The following NPHP4 variants were observed in gnomAD, a reference collection of about 807,000 sequenced individuals.
NPHP4 encodes the protein nephrocystin 4, also known as nephrocystin-4.
In NPHP4, 151 loss-of-function variants were observed where a neutral mutation model predicts 155.8. That is an observed-to-expected ratio of 0.97 (90% CI 0.85 to 1.11). The LOEUF is 1.11. Among genes scored for constraint, NPHP4 ranks in the 50% least tolerant of loss-of-function variants. The pLI is 0.00. For synonymous variants in NPHP4, 845 were observed against 816.8 expected, an observed-to-expected ratio of 1.03 and a Z score of -0.59; for missense variants, 1,956 against 1,925.7, an observed-to-expected ratio of 1.02 and a Z score of -0.29.
intron 3 of NPHP4, among the ~76,000 whole-genome samples, chr1:5,977,338 A>G (rs1653794470): frequency 6.6e-6 from 1 of 151,962 alleles, no homozygotes; most frequent in Admixed American, 6.6e-5. Context: ...GCTCTGCTTG[A>G]AGCAGCCTCG....
intron 16 of NPHP4, among the ~76,000 whole-genome samples, chr1:5,898,951 C>T (rs140529190): frequency 4.6e-5 from 7 of 152,266 alleles, no homozygotes; most frequent in African/African-American, 1.7e-4. Flanking sequence ...GAAAGGCACT[C>T]GGTATCATCA....
Position 5,875,029 on chromosome 1 carries a change from C to T in NPHP4, c.2889G>A (p.Lys963=). The T allele has an allele frequency of 6.2e-7, 1 of 1,610,358 alleles. No individual in the cohort carries two copies. Among genetic ancestry groups the T allele is most frequent in the South Asian group, 1.1e-5 (1 of 91,070 alleles). The part of the protein sequence containing the change: ...QVIAAYRERT[K]AESIASLLSL... ...TCAGCAGGCTGGCGATGCTCTCGGC[C>T]TTCGTGCGTTCCCGGTAGGCGGCGA... Residue 963 remains lysine, a synonymous_variant, in exon 21 of 30, where the codon AAG becomes AAA. Transcript: ENST00000378156.
chr1:5,984,078 C>T (rs1051424611), intron 2 of NPHP4, among the ~76,000 whole-genome samples: 1 of 152,146 alleles, frequency 6.6e-6, no homozygotes, highest in African/African-American at 2.4e-5. Context: ...CCTATAATAG[C>T]AAATGACTGG....
At chr1:5,874,758 G>A (rs971270702) in intron 21 of NPHP4, 101 bp from the exon 22 acceptor site, 4 of 1,515,664 alleles carry the variant, frequency 2.6e-6, no homozygotes, top group Non-Finnish European at 2.7e-6. Flanking sequence ...AGGAGTGGGA[G>A]AGAGAAGTCA....
At chr1:5,942,372 A>G (rs1472443463) in intron 9 of NPHP4, among the ~76,000 whole-genome samples, 1 of 152,034 alleles carries the variant, frequency 6.6e-6, no homozygotes, top group Non-Finnish European at 1.5e-5. Flanking sequence ...TCTACTAAAA[A>G]TACAAAAAAT....
chr1:5,877,847 C>T (rs963145905), intron 19 of NPHP4, among the ~76,000 whole-genome samples: 3 of 152,190 alleles, frequency 2.0e-5, no homozygotes, highest in Admixed American at 1.3e-4. Context: ...TCTGGGGTGG[C>T]CCTACTCAAA....
chr1:5,945,411 A>G (rs1413321480), intron 9 of NPHP4, among the ~76,000 whole-genome samples: 1 of 152,234 alleles, frequency 6.6e-6, no homozygotes. Context: ...AAGTAAAGAA[A>G]AGCAGAACTG....
intron 11 of NPHP4, among the ~76,000 whole-genome samples, chr1:5,922,326 T>C (rs1326629503): frequency 6.6e-6 from 1 of 152,238 alleles, no homozygotes; most frequent in Non-Finnish European, 1.5e-5. Flanking sequence ...TGTTGCAACG[T>C]CACTAATTTG....
chr1:5,959,103 G>A (rs1208175997), intron 6 of NPHP4, among the ~76,000 whole-genome samples: 3 of 151,870 alleles, frequency 2.0e-5, no homozygotes, highest in African/African-American at 7.3e-5. Context: ...AGGCGCATAC[G>A]ACCCTTACCT....
rs545987615 is a variant in NPHP4 at position 5,905,996 on chromosome 1, C to A, written c.1612-213G>T. On this transcript the variant is annotated intron_variant, in intron 13 of 29. Coordinates refer to ENST00000378156, the MANE Select transcript of NPHP4 (RefSeq NM_015102.5). This position sits in a 1 kb window ranked among gnomAD's most constrained non-coding sequence, Gnocchi z 4.0. ...CCCTACGATATTTGGGATATACTTA[C>A]ACTAAAAAATTATTTGTTGTGTACC... Among the ~76,000 whole-genome samples the A allele has an allele frequency of 3.3e-5, 5 of 152,314 alleles. No individual in the cohort carries two copies. Among genetic ancestry groups the A allele is most frequent in the African/African-American group, 1.2e-4 (5 of 41,568 alleles).
chr1:5,965,997 A>AAGCAGGCTCAGCCCCCACTC (rs1651438857), intron 5 of NPHP4, among the ~76,000 whole-genome samples: 1 of 152,070 alleles, frequency 6.6e-6, no homozygotes, highest in Admixed American at 6.6e-5. Flanking sequence ...TTATTAAAAT[A>AAGCAGGCTCAGCCCCCACTC]AGCAGGCTCA....
rs747300330 is a variant in NPHP4 at position 5,905,515 on chromosome 1, C to G, written c.1764-32G>C. The G allele has an allele frequency of 1.3e-6, 2 of 1,596,428 alleles. No homozygotes were observed. Among genetic ancestry groups the G allele is most frequent in the African/African-American group, 1.3e-5 (1 of 74,470 alleles). On this transcript the variant is annotated intron_variant, in intron 14 of 29. Coordinates refer to ENST00000378156, the MANE Select transcript of NPHP4 (RefSeq NM_015102.5). This position sits in a 1 kb window ranked among gnomAD's most constrained non-coding sequence, Gnocchi z 4.0. ...CACAGAGACTCCTCAGGTAGCCTCC[C>G]GGGAAAGGGGGGACCCATTGATGCA...
At chr1:5,863,709 A>C (rs577918953) in intron 29 of NPHP4, 181 bp downstream of exon 29, 18 of 671,638 alleles carry the variant, frequency 2.7e-5, no homozygotes, top group African/African-American at 5.4e-5. Flanking sequence ...AACTTTGCTA[A>C]ATCTCCAGCT....
intron 10 of NPHP4, among the ~76,000 whole-genome samples, chr1:5,930,099 G>A (rs1646199047): frequency 6.6e-6 from 1 of 152,118 alleles, no homozygotes; most frequent in Admixed American, 6.5e-5. Flanking sequence ...ATTGTTTGTA[G>A]TATTCCCTTA....
At chr1:5,956,226 G>C (rs865970724) in intron 6 of NPHP4, among the ~76,000 whole-genome samples, 1 of 152,312 alleles carries the variant, frequency 6.6e-6, no homozygotes, top group South Asian at 2.1e-4. Flanking sequence ...ATCTGGGAGG[G>C]GGCAGAAGTC....
chr1:5,863,301 G>A lies in NPHP4; in HGVS notation c.4245C>T (p.Asn1415=), dbSNP rs776373553. The change falls in exon 30 of 30, where the codon AAC becomes AAT. Residue 1415 remains asparagine, a synonymous_variant. Transcript: ENST00000378156. The stretch of plus-strand genomic sequence containing the variant: ...TGACCTTCACGCAAAATGCCTCTTC[G>A]TTTTTGTCCTCATGGTCATTGATGT... The part of the protein sequence containing the change: ...LIYINDHEDK[N]EEAFCVKVIY... 9.9e-6 allele frequency: 16 copies of A among 1,614,018 alleles called. No individual in the cohort carries two copies. The highest frequency in any genetic ancestry group is 4.5e-5 in the East Asian group (2 of 44,886).
chr1:5,877,519 A>G, intron 19 of NPHP4: 2 of 403,766 alleles, frequency 5.0e-6, no homozygotes, highest in Non-Finnish European at 8.8e-6. Context: ...CAGCCTTCAA[A>G]TTAAAAGCAA....
chr1:5,942,412 TC>T (rs1646864383), intron 9 of NPHP4, among the ~76,000 whole-genome samples: 3 of 150,762 alleles, frequency 2.0e-5, no homozygotes, highest in African/African-American at 7.3e-5. Flanking sequence ...GCACCTGTAG[TC>T]CCAGCTACTC....
chr1:5,956,394 G>A (rs1649246371), intron 6 of NPHP4, among the ~76,000 whole-genome samples: 1 of 152,252 alleles, frequency 6.6e-6, no homozygotes. Context: ...CGCACAGGAA[G>A]TCATCAAGGG....
Sources: allele counts gnomAD v4.1 joint callset (sites outside exome capture counted in the v4.1 genomes callset), GRCh38; gene constraint gnomAD v4.1.1; non-coding constraint Gnocchi (gnomAD v3.1); transcripts MANE v1.5; gene names NCBI Gene and HGNC (gene_info 2026-07-23, HGNC 2026-07-21).